The following SMARCC1 variants were observed in gnomAD, a reference collection of about 807,000 sequenced individuals.
SMARCC1 encodes the protein SWI/SNF complex subunit SMARCC1.
A neutral mutation model predicts 147.4 loss-of-function variants in SMARCC1; 43 were observed. The ratio of observed to expected loss-of-function variants is 0.29; its 90% CI spans 0.23 to 0.38. The LOEUF is 0.38. Ranked by LOEUF, SMARCC1 falls within the 10% of genes least tolerant of loss-of-function variation. The pLI, the probability that SMARCC1 is intolerant of heterozygous loss-of-function variation, is 1.00. For synonymous variants in SMARCC1, 495 were observed against 484.4 expected (o/e 1.02, Z -0.29); for missense variants, 1,119 against 1,381.1 (o/e 0.81, Z 3.01).
intron 26 of SMARCC1, among the ~76,000 whole-genome samples, chr3:47,602,701 C>G (rs2032407544): frequency 6.6e-6 from 1 of 152,208 alleles, no homozygotes; most frequent in Non-Finnish European, 1.5e-5. Flanking sequence ...AATTCTTCCA[C>G]TATTAATAAT....
At chr3:47,622,470 G>A (rs948182779) in intron 24 of SMARCC1, 129 bp from the exon 25 acceptor site, 21 of 832,124 alleles carry the variant, frequency 2.5e-5, no homozygotes, top group Middle Eastern at 2.3e-4. Context: ...CCTTTGTAAC[G>A]TACAATCTAA....
intron 7 of SMARCC1, among the ~76,000 whole-genome samples, chr3:47,716,370 A>T (rs962527231): frequency 5.3e-4 from 76 of 142,832 alleles, no homozygotes; most frequent in Admixed American, 1.5e-4. Context: ...GTGAGCTTAG[A>T]TCGCACCACT....
At chr3:47,652,996 CCGGACTGCGGACTGCAGTGGCGCAAT>C (rs2033211182) in intron 21 of SMARCC1, among the ~76,000 whole-genome samples, 1 of 142,532 alleles carries the variant, frequency 7.0e-6, no homozygotes, top group Non-Finnish European at 1.5e-5. Flanking sequence ...GTCGCCCAGG[CCGGACTGCGGACTGCAGTGGCGCAAT>C]CTCGGCTCAC....
At chr3:47,728,189 C>T (rs1441895793) in intron 6 of SMARCC1, among the ~76,000 whole-genome samples, 3 of 134,600 alleles carry the variant, frequency 2.2e-5, no homozygotes, top group Admixed American at 8.5e-5. Context: ...CAGGTTCAAG[C>T]GATTCTCCTG....
chr3:47,744,132 A>G (rs1188763418), intron 3 of SMARCC1, among the ~76,000 whole-genome samples: 2 of 152,148 alleles, frequency 1.3e-5, no homozygotes, highest in African/African-American at 2.4e-5. Flanking sequence ...GATAACAAAA[A>G]GAAACAAGTC....
chr3:47,689,883 C>G (rs1392721711), intron 12 of SMARCC1, among the ~76,000 whole-genome samples: 1 of 152,048 alleles, frequency 6.6e-6, no homozygotes, highest in Non-Finnish European at 1.5e-5. Flanking sequence ...AAAGAAAGCC[C>G]AGGTAAAATT....
chr3:47,637,605 G>A (rs1039064682), intron 22 of SMARCC1, among the ~76,000 whole-genome samples: 2 of 152,090 alleles, frequency 1.3e-5, no homozygotes, highest in African/African-American at 4.8e-5. Flanking sequence ...CCAGCTACTT[G>A]GGAGGCTGAG....
At chr3:47,667,862 T>G (rs892925488) in intron 19 of SMARCC1, among the ~76,000 whole-genome samples, 2 of 151,838 alleles carry the variant, frequency 1.3e-5, no homozygotes, top group Non-Finnish European at 2.9e-5. Flanking sequence ...GGTGACAGAG[T>G]GAGATTCCTT....
intron 24 of SMARCC1, among the ~76,000 whole-genome samples, chr3:47,625,540 C>T (rs1234984247): frequency 1.3e-5 from 2 of 152,020 alleles, no homozygotes; most frequent in Non-Finnish European, 1.5e-5. Context: ...CAGCCTACTT[C>T]TATATATATT....
intron 19 of SMARCC1, among the ~76,000 whole-genome samples, chr3:47,666,995 T>C (rs2033428087): frequency 6.6e-6 from 1 of 152,184 alleles, no homozygotes; most frequent in African/African-American, 2.4e-5. Flanking sequence ...TAATGCTATG[T>C]TTCCTATTAT....
chr3:47,698,980 T>C (rs1213345213), intron 11 of SMARCC1, among the ~76,000 whole-genome samples: 1 of 152,170 alleles, frequency 6.6e-6, no homozygotes, highest in African/African-American at 2.4e-5. Context: ...TAAATACCTA[T>C]GTGGGGAATA....
At chr3:47,773,486 A>T (rs1450754309) in intron 1 of SMARCC1, among the ~76,000 whole-genome samples, 1 of 152,082 alleles carries the variant, frequency 6.6e-6, no homozygotes, top group Non-Finnish European at 1.5e-5. Context: ...AACCAGTAGT[A>T]GACACATCAG....
intron 7 of SMARCC1, among the ~76,000 whole-genome samples, chr3:47,715,501 A>G (rs548510936): frequency 4.9e-4 from 75 of 152,290 alleles, no homozygotes; most frequent in South Asian, 4.1e-4. Flanking sequence ...GTATGTCTAG[A>G]ATCTATCTAA....
intron 21 of SMARCC1, among the ~76,000 whole-genome samples, chr3:47,641,398 T>A (rs1183278415): frequency 1.3e-5 from 2 of 152,140 alleles, no homozygotes; most frequent in Non-Finnish European, 2.9e-5. Flanking sequence ...GGGAGCAGGA[T>A]CGCCTGAGCC....
chr3:47,749,233 G>A (rs888008808), intron 2 of SMARCC1, among the ~76,000 whole-genome samples: 1 of 152,114 alleles, frequency 6.6e-6, no homozygotes, highest in African/African-American at 2.4e-5. Flanking sequence ...GAACCTGGGA[G>A]GCAGAGGTTG....
At chr3:47,751,165 TG>T (rs1364584643) in intron 2 of SMARCC1, among the ~76,000 whole-genome samples, 1 of 152,100 alleles carries the variant, frequency 6.6e-6, no homozygotes, top group Non-Finnish European at 1.5e-5. Context: ...CCCAAAGTGC[TG>T]GGATTACTAG....
chr3:47,718,982 G>A (rs1032553625), intron 7 of SMARCC1, among the ~76,000 whole-genome samples: 5 of 151,914 alleles, frequency 3.3e-5, no homozygotes, highest in South Asian at 2.1e-4. Flanking sequence ...GCGCAATCTC[G>A]GCTCACGGCA....
chr3:47,708,039 T>C (rs2034030693), intron 9 of SMARCC1, among the ~76,000 whole-genome samples: 1 of 149,394 alleles, frequency 6.7e-6, no homozygotes, highest in African/African-American at 2.5e-5. Flanking sequence ...CTAAAGGATA[T>C]ACACCTTTGA....
chr3:47,707,388 T>C (rs1372877411), intron 9 of SMARCC1, among the ~76,000 whole-genome samples: 1 of 148,968 alleles, frequency 6.7e-6, no homozygotes, highest in Non-Finnish European at 1.5e-5. Flanking sequence ...ATTTTATACA[T>C]AAAAAAAGCT....
Sources: gnomAD v4.1 joint callset for allele counts (sites outside exome capture counted in the v4.1 genomes callset) on GRCh38, gnomAD v4.1.1 for gene constraint, MANE v1.5 for transcripts, NCBI Gene and HGNC (gene_info 2026-07-23, HGNC 2026-07-21) for gene names.